The following TACR1 variants were observed in gnomAD, a reference collection of about 807,000 sequenced individuals.
TACR1 encodes the protein tachykinin receptor 1, also known as substance-P receptor.
Under a neutral mutation model 35.8 loss-of-function variants are expected in TACR1, and 25 were observed. That is an observed-to-expected ratio of 0.70 (90% CI 0.51 to 0.98). The LOEUF (loss-of-function observed/expected upper bound fraction) is 0.98, where lower values mean the gene tolerates loss of function less well. Among genes scored for constraint, TACR1 ranks in the 50% least tolerant of loss-of-function variants. The pLI is 0.00. For missense variants in TACR1, 478 were observed against 522.9 expected, an observed-to-expected ratio of 0.91 and a Z score of 0.84; for synonymous variants, 195 against 206.7, an observed-to-expected ratio of 0.94 and a Z score of 0.48.
At chr2:75,153,692 A>G (rs1261076452) in intron 1 of TACR1, among the ~76,000 whole-genome samples, 1 of 152,232 alleles carries the variant, frequency 6.6e-6, no homozygotes, top group African/African-American at 2.4e-5. Flanking sequence ...CACCTGGCAC[A>G]TTCCCTGTTT....
intron 2 of TACR1, among the ~76,000 whole-genome samples, chr2:75,111,229 C>G (rs557983111): frequency 1.3e-5 from 2 of 152,052 alleles, no homozygotes; most frequent in Non-Finnish European, 2.9e-5. Flanking sequence ...TATATGCAAA[C>G]CAGCAATCTT....
intron 2 of TACR1, among the ~76,000 whole-genome samples, chr2:75,090,360 G>A (rs573768103): frequency 3.9e-5 from 6 of 152,284 alleles, no homozygotes; most frequent in East Asian, 1.9e-4. Context: ...AAGTGGGGTC[G>A]AACAGGCCTC....
At chr2:75,196,044 A>G (rs1338114002) in intron 1 of TACR1, among the ~76,000 whole-genome samples, 1 of 152,208 alleles carries the variant, frequency 6.6e-6, no homozygotes, top group Admixed American at 6.5e-5. Flanking sequence ...ATATTTCCCA[A>G]GTCTTCTGCA....
At chr2:75,103,385 G>GT (rs1673578738) in intron 2 of TACR1, among the ~76,000 whole-genome samples, 1 of 152,038 alleles carries the variant, frequency 6.6e-6, no homozygotes, top group South Asian at 2.1e-4. Flanking sequence ...TCGAATCCCT[G>GT]TAAGTATGGA....
At chr2:75,183,246 G>A (rs1675602273) in intron 1 of TACR1, among the ~76,000 whole-genome samples, 1 of 152,108 alleles carries the variant, frequency 6.6e-6, no homozygotes, top group Non-Finnish European at 1.5e-5. Context: ...CACAAAGTAA[G>A]ATTTATTTCT....
chr2:75,165,991 T>G (rs1675133484), intron 1 of TACR1, among the ~76,000 whole-genome samples: 1 of 152,232 alleles, frequency 6.6e-6, no homozygotes, highest in Non-Finnish European at 1.5e-5. Context: ...CAAATATCCT[T>G]TAAGTCCTTA....
At chr2:75,186,682 A>G (rs1287892841) in intron 1 of TACR1, 4 of 151,470 alleles carry the variant, frequency 2.6e-5, no homozygotes, top group African/African-American at 9.7e-5. Flanking sequence ...TACCTAAATG[A>G]ACAGCCTCAA....
intron 1 of TACR1, among the ~76,000 whole-genome samples, chr2:75,131,198 C>T (rs1674170635): frequency 6.6e-6 from 1 of 151,980 alleles, no homozygotes; most frequent in African/African-American, 2.4e-5. Context: ...ACGTCATTCT[C>T]CTGTCTCAGC....
intron 2 of TACR1, among the ~76,000 whole-genome samples, chr2:75,096,876 C>G (rs963500463): frequency 2.0e-5 from 3 of 152,144 alleles, no homozygotes; most frequent in Non-Finnish European, 4.4e-5. Context: ...CTCCTCAGAC[C>G]CAGGGCCAAA....
At chr2:75,116,352 G>C (rs1220453780) in intron 2 of TACR1, among the ~76,000 whole-genome samples, 2 of 152,094 alleles carry the variant, frequency 1.3e-5, no homozygotes, top group African/African-American at 4.8e-5. Context: ...TACCTGCCTG[G>C]GCCTCCCAAA....
chr2:75,120,425 C>T (rs1455809406), intron 2 of TACR1, 149 bp downstream of exon 2: 5 of 642,428 alleles, frequency 7.8e-6, no homozygotes, highest in Non-Finnish European at 1.3e-5. Flanking sequence ...ACATATCAAC[C>T]TGATATGAGG....
chr2:75,169,640 T>C (rs1464457339), intron 1 of TACR1, among the ~76,000 whole-genome samples: 1 of 152,236 alleles, frequency 6.6e-6, no homozygotes, highest in African/African-American at 2.4e-5. Context: ...GTGAAAGGAA[T>C]ATTAATGGGT....
At chr2:75,097,051 C>A (rs980619820) in intron 2 of TACR1, among the ~76,000 whole-genome samples, 1 of 152,162 alleles carries the variant, frequency 6.6e-6, no homozygotes, top group African/African-American at 2.4e-5. Flanking sequence ...AGCATGTTGC[C>A]TCATAAAGTT....
intron 2 of TACR1, among the ~76,000 whole-genome samples, chr2:75,055,889 C>T (rs532924115): frequency 4.6e-5 from 7 of 152,250 alleles, no homozygotes; most frequent in Middle Eastern, 3.4e-3. Flanking sequence ...CAAGAGATGC[C>T]GATGTTGCTG....
intron 1 of TACR1, among the ~76,000 whole-genome samples, chr2:75,135,258 C>G (rs965542727): frequency 2.0e-5 from 3 of 152,170 alleles, no homozygotes; most frequent in Admixed American, 6.5e-5. Flanking sequence ...AAAGTGATTT[C>G]TTAGAATCTC....
chr2:75,113,532 CTTTTTTTTTT>C (rs11437762), intron 2 of TACR1, among the ~76,000 whole-genome samples: 4 of 92,084 alleles, frequency 4.3e-5, no homozygotes, highest in South Asian at 4.1e-4. Context: ...TTTCTTCTTC[CTTTTTTTTTT>C]TTTTTTTTTT....
intron 1 of TACR1, among the ~76,000 whole-genome samples, chr2:75,168,040 G>A (rs577279256): frequency 6.6e-6 from 1 of 152,104 alleles, no homozygotes; most frequent in Admixed American, 6.5e-5. Context: ...CATGTCAAGA[G>A]TTTTGGTATT....
intron 2 of TACR1, among the ~76,000 whole-genome samples, chr2:75,056,517 A>G (rs1214041799): frequency 6.6e-6 from 1 of 152,178 alleles, no homozygotes; most frequent in Non-Finnish European, 1.5e-5. Context: ...GAAAACCCCA[A>G]TAAAGGCTTT....
chr2:75,116,083 T>C (rs1572939304), intron 2 of TACR1, among the ~76,000 whole-genome samples: 2 of 152,052 alleles, frequency 1.3e-5, no homozygotes, highest in African/African-American at 4.8e-5. Flanking sequence ...TAAGGCACTT[T>C]AAATTTTTAT....
Sources: gnomAD v4.1 joint callset for allele counts (sites outside exome capture counted in the v4.1 genomes callset) on GRCh38, gnomAD v4.1.1 for gene constraint, MANE v1.5 for transcripts, NCBI Gene and HGNC (gene_info 2026-07-23, HGNC 2026-07-21) for gene names.